The following SYT2 variants were observed in gnomAD, a reference collection of about 807,000 sequenced individuals.
SYT2 encodes the protein synaptotagmin 2, also known as synaptotagmin-2.
In SYT2, 15 loss-of-function variants were observed where a neutral mutation model predicts 39.9. The ratio of observed to expected loss-of-function variants is 0.38; its 90% confidence interval spans 0.25 to 0.58. SYT2 has a LOEUF of 0.58. SYT2 is among the 20% of genes least tolerant of loss of function. The probability of loss-of-function intolerance (pLI) is 0.70; values close to 1 mark genes in which losing one functional copy is unlikely to be tolerated. For synonymous variants in SYT2, 181 were observed against 204.5 expected (o/e 0.89, Z 0.98); for missense variants, 389 against 530.3 (o/e 0.73, Z 2.62).
rs932545618 is a variant in SYT2, at chr1:202,596,682, T to C, written c.*75A>G. ...GAAAGAAAAAAGAAAACCTCTAAGG[T>C]TGCATAACTGAGGTATTGATAGCTC... On this transcript the variant is annotated 3_prime_UTR_variant, in exon 9 of 9. Transcript: ENST00000367268. 1 of 1,377,092 alleles carries C rather than the reference T, an allele frequency of 7.3e-7. No homozygotes were observed. The highest frequency in any genetic ancestry group is 1.4e-5 in the African/African-American group (1 of 69,556). The allele number at this position is 1,377,092 out of a possible 1,614,324, so 85.3% of individuals were successfully genotyped here.
chr1:202,632,014 G>C, intron 1 of SYT2: 1 of 985,280 alleles, frequency 1.0e-6, no homozygotes, highest in Non-Finnish European at 1.2e-6. Context: ...CCAATTATGT[G>C]AGGACCACAA....
At chr1:202,660,902 C>T (rs1692364253) in intron 1 of SYT2, among the ~76,000 whole-genome samples, 2 of 152,122 alleles carry the variant, frequency 1.3e-5, no homozygotes, top group African/African-American at 2.4e-5. Flanking sequence ...GCTTCGTCTC[C>T]CCCAGCCTTC....
At chr1:202,696,204 T>C (rs958043880) in intron 1 of SYT2, among the ~76,000 whole-genome samples, 1 of 152,184 alleles carries the variant, frequency 6.6e-6, no homozygotes, top group Admixed American at 6.5e-5. Flanking sequence ...TCCAGTCCCC[T>C]TTACAACCCA....
rs1690267441 is a variant in SYT2, at chr1:202,595,919, C to A, written c.*838G>T. 6.6e-6 allele frequency: 1 copy of A among 152,126 alleles called. No homozygotes were observed. Among genetic ancestry groups the A allele is most frequent in the African/African-American group, 2.4e-5 (1 of 41,422 alleles). The allele number at this position is 152,126 out of a possible 1,614,324, so 9.4% of individuals were successfully genotyped here. A position where few individuals can be genotyped will look rare whatever the true frequency, so the allele number is the denominator to read the frequency against. ...GACCCAACTAGTGAATAGCTCATAT[C>A]CATGAATGTCCCAGGAACTACACTT... On this transcript the variant is annotated 3_prime_UTR_variant, in exon 9 of 9. Transcript: ENST00000367268.
At chr1:202,700,574 A>G (rs1191645965) in intron 1 of SYT2, among the ~76,000 whole-genome samples, 23 of 152,354 alleles carry the variant, frequency 1.5e-4, no homozygotes, top group Non-Finnish European at 4.4e-5. Context: ...ACCTGTTAAT[A>G]CAACATATTT....
rs1690635751 is a variant in SYT2 at position 202,604,614 on chromosome 1, G to A, written c.186C>T (p.Pro62=). 1 of 1,613,900 alleles carries A rather than the reference G, an allele frequency of 6.2e-7. No individual in the cohort carries two copies. The highest frequency in any genetic ancestry group is 1.3e-5 in the African/African-American group (1 of 74,910). The change falls in exon 3 of 9, where the codon CCC becomes CCT. Residue 62 remains proline (P), a synonymous_variant. Transcript: ENST00000367268. ...CCACAGCAATGGCGATCAGTGCCCAGGGTGGTACTGCCCACACAGAGAAGA... is the reference window on the plus strand; with the variant it reads ...CCACAGCAATGGCGATCAGTGCCCAAGGTGGTACTGCCCACACAGAGAAGA... ...FNEINKIPLP[P]WALIAIAVVA... is the part of the protein sequence containing the mutation.
chr1:202,623,150 C>A lies in SYT2; in HGVS notation c.-17-17361G>T, dbSNP rs1361057976. 6.6e-6 allele frequency among the ~76,000 whole-genome samples: 1 copy of A among 152,218 alleles called. No homozygotes were observed. The highest frequency in any genetic ancestry group is 1.5e-5 in the Non-Finnish European group (1 of 68,036). Reference sequence around the variant, plus strand: ...CCCGCCAGGCAAGCCCCTCAGCACACCCTCCGCTCTGCCACCCCAGCCAGG... The same window carrying A: ...CCCGCCAGGCAAGCCCCTCAGCACAACCTCCGCTCTGCCACCCCAGCCAGG... On this transcript the variant is annotated intron_variant, in intron 1 of 8. Coordinates refer to ENST00000367268, the MANE Select transcript of SYT2 (RefSeq NM_177402.5). This position sits in a 1 kb window ranked among gnomAD's most constrained non-coding sequence, Gnocchi z 4.2.
intron 5 of SYT2, 104 bp downstream of exon 5, chr1:202,602,274 G>T: frequency 7.3e-7 from 1 of 1,375,108 alleles, no homozygotes; most frequent in Non-Finnish European, 1.0e-6. Context: ...GGCTGCCATT[G>T]TTCCAGGCTG....
At position 202,593,131 on chromosome 1, in the gene SYT2, G is replaced by A. The variant is rs1690182270; in HGVS notation, c.*3626C>T. On this transcript the variant is annotated 3_prime_UTR_variant, in exon 9 of 9. Coordinates refer to ENST00000367268, the MANE Select transcript of SYT2 (RefSeq NM_177402.5). ...AGGGAAGGGAAGGGGCAGAGCAGAG[G>A]ATATGAGGGCAGTTCCTGGCTCAAT... The A allele has an allele frequency of 6.6e-6, 1 of 152,262 alleles. No individual in the cohort carries two copies. The highest frequency in any genetic ancestry group is 2.4e-5 in the African/African-American group (1 of 41,444). 9.4% of individuals were successfully genotyped at this position (152,262 alleles called of 1,614,324 possible). A position where few individuals can be genotyped will look rare whatever the true frequency, so the allele number is the denominator to read the frequency against.
At chr1:202,619,356 C>T (rs542337373) in intron 1 of SYT2, among the ~76,000 whole-genome samples, 11 of 152,150 alleles carry the variant, frequency 7.2e-5, no homozygotes, top group South Asian at 4.1e-4. Flanking sequence ...GCTGCAGCTG[C>T]CCGGAGAGGG....
At chr1:202,605,990 T>C (rs1043939595) in intron 1 of SYT2, among the ~76,000 whole-genome samples, 29 of 152,136 alleles carry the variant, frequency 1.9e-4, no homozygotes, top group African/African-American at 6.5e-4. Context: ...GACCCTATCT[T>C]TAGAAATTTT....
chr1:202,642,783 G>A (rs1054662381), intron 1 of SYT2, among the ~76,000 whole-genome samples: 1 of 152,184 alleles, frequency 6.6e-6, no homozygotes, highest in African/African-American at 2.4e-5. Flanking sequence ...CCTCAGCGAG[G>A]CAGGCGCTGC....
At chr1:202,645,239 AC>A (rs1460867384) in intron 1 of SYT2, among the ~76,000 whole-genome samples, 2 of 151,678 alleles carry the variant, frequency 1.3e-5, no homozygotes, top group Non-Finnish European at 2.9e-5. Flanking sequence ...CCCGTAACCT[AC>A]CCCCACCTCG....
chr1:202,629,404 T>A lies in SYT2; in HGVS notation c.-17-23615A>T, dbSNP rs1691508181. Among the ~76,000 whole-genome samples the A allele has an allele frequency of 2.0e-5, 3 of 152,250 alleles. No homozygotes were observed. In the South Asian group the frequency reaches 6.2e-4, roughly 31 times the overall value. ...CAGCCATGGCTTCTCCAACAGTGGC[T>A]GCTAAGTCTCTATTTTGGTTGCTCA... On this transcript the variant is annotated intron_variant, in intron 1 of 8. Coordinates refer to ENST00000367268, the MANE Select transcript of SYT2 (RefSeq NM_177402.5).
At chr1:202,682,835 G>A (rs983798046) in intron 1 of SYT2, among the ~76,000 whole-genome samples, 1 of 152,156 alleles carries the variant, frequency 6.6e-6, no homozygotes, top group African/African-American at 2.4e-5. Flanking sequence ...TGCTTTAAGA[G>A]GAAACTCACA....
intron 1 of SYT2, among the ~76,000 whole-genome samples, chr1:202,672,420 A>G (rs1692610087): frequency 6.6e-6 from 1 of 152,078 alleles, no homozygotes; most frequent in Non-Finnish European, 1.5e-5. Flanking sequence ...CCAGAACCAC[A>G]TCTGCCAGCA....
At chr1:202,706,570 C>T (rs1262288306) in intron 1 of SYT2, among the ~76,000 whole-genome samples, 2 of 152,126 alleles carry the variant, frequency 1.3e-5, no homozygotes, top group Non-Finnish European at 2.9e-5. Context: ...ATTGACTCGC[C>T]CAAAATCACA....
chr1:202,687,699 AG>A (rs1360793584), intron 1 of SYT2, among the ~76,000 whole-genome samples: 1 of 151,838 alleles, frequency 6.6e-6, no homozygotes, highest in African/African-American at 2.4e-5. Flanking sequence ...AGAAAGAAAA[AG>A]AAAGAGCTTT....
intron 1 of SYT2, among the ~76,000 whole-genome samples, chr1:202,699,907 C>T (rs980541672): frequency 6.6e-6 from 1 of 151,978 alleles, no homozygotes; most frequent in Admixed American, 6.6e-5. Flanking sequence ...AGTCACATTC[C>T]CTCTCTGGGC....
Sources: gnomAD v4.1 joint callset for allele counts (sites outside exome capture counted in the v4.1 genomes callset) on GRCh38, gnomAD v4.1.1 for gene constraint, Gnocchi (gnomAD v3.1) non-coding constraint, MANE v1.5 for transcripts, NCBI Gene and HGNC (gene_info 2026-07-23, HGNC 2026-07-21) for gene names.